Variants in NACC1 observed in about 807,000 individuals in gnomAD.
NACC1 encodes nucleus accumbens-associated protein 1.
Under a neutral mutation model 41.7 loss-of-function variants are expected in NACC1, and 6 were observed. That is an observed-to-expected ratio of 0.14 (90% CI 0.08 to 0.28). NACC1 has a LOEUF of 0.28. Among genes scored for constraint, NACC1 ranks in the 10% least tolerant of loss-of-function variants. The probability of loss-of-function intolerance (pLI) is 1.00; values close to 1 mark genes in which losing one functional copy is unlikely to be tolerated. For synonymous variants in NACC1, 338 were observed against 330.6 expected, an observed-to-expected ratio of 1.02 and a Z score of -0.24; for missense variants, 434 against 763.7, an observed-to-expected ratio of 0.57 and a Z score of 5.09.
chr19:13,135,683 C>T lies in NACC1; in HGVS notation c.476C>T (p.Pro159Leu), dbSNP rs752352154. 21 of 1,553,880 alleles carry T rather than the reference C, an allele frequency of 1.4e-5. No homozygotes were observed. Among genetic ancestry groups the T allele is most frequent in the Non-Finnish European group, 1.6e-5 (18 of 1,152,896 alleles). Residue 159 changes from proline to leucine, a missense_variant, in exon 2 of 6, where the codon CCG (proline) becomes CTG (leucine). Around this residue, in one of 4 missense-constraint regions of NACC1, gnomAD observed 234 missense variants for 308.3 expected, o/e 0.76. Transcript: ENST00000292431. ...QTSGWPACST[P>L]LPLVSRVKTE... ...TCGGGCTGGCCAGCCTGTAGCACCC[C>T]GCTGCCCCTCGTGTCGCGGGTGAAG...
At chr19:13,122,525 G>T (rs1278463226) in intron 1 of NACC1, among the ~76,000 whole-genome samples, 12 of 47,054 alleles carry the variant, frequency 2.6e-4, no homozygotes, top group South Asian at 2.2e-3. Context: ...GCCCCTGCCG[G>T]GGGGGGGGGG....
intron 1 of NACC1, among the ~76,000 whole-genome samples, chr19:13,126,483 CTG>C (rs1304353970): frequency 2.6e-5 from 4 of 152,194 alleles, no homozygotes; most frequent in Non-Finnish European, 5.9e-5. Flanking sequence ...CAGGAAAGGA[CTG>C]TGCCTTTGAC....
Position 13,137,432 on chromosome 19 carries a change from C to G in NACC1, c.1227-46C>G, listed in dbSNP as rs367990402. The G allele has an allele frequency of 1.7e-5, 27 of 1,611,442 alleles. No homozygotes were observed. Among genetic ancestry groups the G allele is most frequent in the East Asian group, 4.5e-5 (2 of 44,312 alleles). On this transcript the variant is annotated intron_variant, in intron 4 of 5. Coordinates refer to ENST00000292431, the MANE Select transcript of NACC1 (RefSeq NM_052876.4). This position sits in a 1 kb window ranked among gnomAD's most constrained non-coding sequence, Gnocchi z 6.1. ...GGGTGGGGTTTCCCCATGTCCCCCCCACCACCAACTTGAGCGCTGACTCCC... is the reference window on the plus strand; with the variant it reads ...GGGTGGGGTTTCCCCATGTCCCCCCGACCACCAACTTGAGCGCTGACTCCC...
At chr19:13,123,852 A>T (rs2145612906) in intron 1 of NACC1, among the ~76,000 whole-genome samples, 1 of 152,288 alleles carries the variant, frequency 6.6e-6, no homozygotes, top group African/African-American at 2.4e-5. Flanking sequence ...GCCATTCACC[A>T]GCTACATGTT....
chr19:13,121,552 C>G (rs1216712165), intron 1 of NACC1, among the ~76,000 whole-genome samples: 2 of 152,188 alleles, frequency 1.3e-5, no homozygotes, highest in Non-Finnish European at 2.9e-5. Context: ...GTCAGCCTTA[C>G]AGGGTCTATT....
At chr19:13,131,638 CCT>C (rs2019635678) in intron 1 of NACC1, 1 of 152,232 alleles carries the variant, frequency 6.6e-6, no homozygotes, top group Admixed American at 6.5e-5. Flanking sequence ...CAGCCTCCAC[CCT>C]CTGATTGCCC....
At position 13,120,880 on chromosome 19, in the gene NACC1, G is replaced by A. The variant is rs536958144; in HGVS notation, c.-9+2426G>A. Among the ~76,000 whole-genome samples the A allele has an allele frequency of 2.6e-5, 4 of 152,304 alleles. No individual in the cohort carries two copies. In the South Asian group the frequency reaches 8.3e-4, roughly 32 times the overall value. Reference sequence around the variant, plus strand: ...ATAACTGCTTTTCGGTGAGAACTTAGCATGCACAGACTCTGTGGGGGCAAG... The same window carrying A: ...ATAACTGCTTTTCGGTGAGAACTTAACATGCACAGACTCTGTGGGGGCAAG... On this transcript the variant is annotated intron_variant, in intron 1 of 5. Transcript: ENST00000292431.
At chr19:13,120,706 A>C (rs1427030158) in intron 1 of NACC1, among the ~76,000 whole-genome samples, 1 of 152,206 alleles carries the variant, frequency 6.6e-6, no homozygotes, top group Admixed American at 6.5e-5. Context: ...CCTGGACCTA[A>C]GCTGGGTTGG....
Position 13,140,754 on chromosome 19 carries a change from C to G in NACC1, c.*2348C>G, listed in dbSNP as rs1393062947. ...TACCCCCCTTGCCCTGCCATTCACC[C>G]TCCACCCCTACCCCTGGGCGGCCTG... is the stretch of plus-strand genomic sequence containing the variant. On this transcript the variant is annotated 3_prime_UTR_variant, in exon 6 of 6. Coordinates refer to ENST00000292431, the MANE Select transcript of NACC1 (RefSeq NM_052876.4). This position sits in a 1 kb window ranked among gnomAD's most constrained non-coding sequence, Gnocchi z 4.0. 6.5e-6 allele frequency: 1 copy of G among 153,162 alleles called. No individual in the cohort carries two copies. Among genetic ancestry groups the G allele is most frequent in the Non-Finnish European group, 1.5e-5 (1 of 68,510 alleles). The allele number at this position is 153,162 out of a possible 1,614,324, so 9.5% of individuals were successfully genotyped here.
chr19:13,136,743 C>T lies in NACC1; in HGVS notation c.1120+338C>T, dbSNP rs1296309587. 6.6e-6 allele frequency among the ~76,000 whole-genome samples: 1 copy of T among 152,198 alleles called. No individual in the cohort carries two copies. Among genetic ancestry groups the T allele is most frequent in the Non-Finnish European group, 1.5e-5 (1 of 68,020 alleles). ...GTCACAGGGGCGAATGCCTGTAGTC[C>T]TAGCTACTCAGGAGGCTGAGGTGGG... On this transcript the variant is annotated intron_variant, in intron 3 of 5. Transcript: ENST00000292431. The surrounding 1 kb of genome is among the most constrained non-coding windows in gnomAD (Gnocchi z 5.5).
intron 1 of NACC1, among the ~76,000 whole-genome samples, chr19:13,125,881 C>T (rs992451128): frequency 6.6e-6 from 1 of 152,022 alleles, no homozygotes; most frequent in Non-Finnish European, 1.5e-5. Flanking sequence ...GGATTACAGG[C>T]GTGCACCACT....
Position 13,135,505 on chromosome 19 carries a change from C to T in NACC1, c.298C>T (p.Leu100Phe). The T allele has an allele frequency of 6.2e-7, 1 of 1,613,746 alleles. No individual in the cohort carries two copies. The highest frequency in any genetic ancestry group is 8.5e-7 in the Non-Finnish European group (1 of 1,179,926). ...LSMNVGDQFL[L>F]MYTAGFLQIQ... ...CATGAACGTGGGCGACCAGTTCCTG[C>T]TCATGTACACGGCTGGCTTCCTGCA... Residue 100 changes from leucine to phenylalanine, a missense_variant, in exon 2 of 6, where the codon CTC (leucine) becomes TTC (phenylalanine). Leu to Phe is a conservative substitution (Grantham distance 22). Transcript: ENST00000292431.
At chr19:13,121,065 T>C (rs4926197) in intron 1 of NACC1, among the ~76,000 whole-genome samples, 36,306 of 152,132 alleles carry the variant, frequency 0.24, 4,726 homozygotes, top group African/African-American at 0.25. Context: ...TTTCACATAC[T>C]TCTGTGTTTA....
In NACC1 at chr19:13,138,409, C is replaced by T. The variant is rs45554531; in HGVS notation, c.*3C>T. 9,400 of 1,608,790 alleles carry T rather than the reference C, an allele frequency of 5.8e-3. 57 individuals carry two copies. Among genetic ancestry groups the T allele is most frequent in the South Asian group, 0.016 (1,460 of 91,058 alleles). ...CCTCGGCTGAAGCCCTGCAGTAACC[C>T]GCCCAGCCTCCCGCGGGGCCACACA... On this transcript the variant is annotated 3_prime_UTR_variant, in exon 6 of 6. Coordinates refer to ENST00000292431, the MANE Select transcript of NACC1 (RefSeq NM_052876.4). This position sits in a 1 kb window ranked among gnomAD's most constrained non-coding sequence, Gnocchi z 5.7.
intron 1 of NACC1, among the ~76,000 whole-genome samples, chr19:13,125,854 A>G (rs908066297): frequency 6.6e-6 from 1 of 152,000 alleles, no homozygotes; most frequent in African/African-American, 2.4e-5. Flanking sequence ...ATTCTGCCTC[A>G]GCCTACCTAA....
rs1304709544 is a variant in NACC1, at chr19:13,137,849, C to T, written c.1324+274C>T. Among the ~76,000 whole-genome samples the T allele has an allele frequency of 1.3e-5, 2 of 152,176 alleles. No homozygotes were observed. Among genetic ancestry groups the T allele is most frequent in the Non-Finnish European group, 2.9e-5 (2 of 68,034 alleles). ...GGATGAGGCAGCCAGACAGTGCTAG[C>T]CACTCGTCATGGGGGGCATCTAGAT... is the stretch of plus-strand genomic sequence containing the variant. On this transcript the variant is annotated intron_variant, in intron 5 of 5. Coordinates refer to ENST00000292431, the MANE Select transcript of NACC1 (RefSeq NM_052876.4). The surrounding 1 kb of genome is among the most constrained non-coding windows in gnomAD (Gnocchi z 6.1).
rs949731705 is a variant in NACC1 at position 13,137,741 on chromosome 19, G to A, written c.1324+166G>A. On this transcript the variant is annotated intron_variant, in intron 5 of 5. Coordinates refer to ENST00000292431, the MANE Select transcript of NACC1 (RefSeq NM_052876.4). The surrounding 1 kb of genome is among the most constrained non-coding windows in gnomAD (Gnocchi z 6.1). ...GCTGTGATTGCTTAGAGATTTCTTC[G>A]TGTTTGGGGGATGCACGTGCCGAAG... Among the ~76,000 whole-genome samples, 6 of 152,184 alleles carry A rather than the reference G, an allele frequency of 3.9e-5. No homozygotes were observed. The highest frequency in any genetic ancestry group is 8.8e-5 in the Non-Finnish European group (6 of 68,048).
chr19:13,128,207 G>A (rs981801854), intron 1 of NACC1, among the ~76,000 whole-genome samples: 3 of 152,168 alleles, frequency 2.0e-5, no homozygotes, highest in African/African-American at 7.2e-5. Context: ...CTCCAGTGGG[G>A]GAGGCATCAG....
rs896719700 is a variant in NACC1, at chr19:13,136,553, G to C, written c.1120+148G>C. The C allele has an allele frequency of 9.4e-6, 9 of 961,152 alleles. No individual in the cohort carries two copies. The Admixed American group carries it at 2.7e-4, about 29-fold the overall frequency. 59.5% of individuals were successfully genotyped at this position (961,152 alleles called of 1,614,324 possible). A position where few individuals can be genotyped will look rare whatever the true frequency, so the allele number is the denominator to read the frequency against. ...GGTAACAGCCACCCTAAGGGTGGGGGCGTTGGTGAGATGGAGGAGCTGATA... is the reference window on the plus strand; with the variant it reads ...GGTAACAGCCACCCTAAGGGTGGGGCCGTTGGTGAGATGGAGGAGCTGATA... On this transcript the variant is annotated intron_variant, in intron 3 of 5. Transcript: ENST00000292431. The surrounding 1 kb of genome is among the most constrained non-coding windows in gnomAD (Gnocchi z 5.5).
Sources: allele counts gnomAD v4.1 joint callset (sites outside exome capture counted in the v4.1 genomes callset), GRCh38; gene constraint gnomAD v4.1.1; regional missense constraint gnomAD v4.1.1; non-coding constraint Gnocchi (gnomAD v3.1); transcripts MANE v1.5; gene names NCBI Gene and HGNC (gene_info 2026-07-23, HGNC 2026-07-21).